Variants in USP37 observed in about 807,000 individuals in gnomAD.
USP37 encodes the protein ubiquitin specific peptidase 37.
A neutral mutation model predicts 124.0 loss-of-function variants in USP37; 27 were observed. That is an observed-to-expected ratio of 0.22 (90% CI 0.16 to 0.30). USP37 has a LOEUF of 0.30. USP37 is among the 10% of genes least tolerant of loss of function. The probability of loss-of-function intolerance (pLI) is 1.00; values close to 1 mark genes in which losing one functional copy is unlikely to be tolerated. For missense variants in USP37, 889 were observed against 1,140.4 expected (o/e 0.78, Z 3.17); for synonymous variants, 365 against 388.0 (o/e 0.94, Z 0.70).
intron 20 of USP37, chr2:218,473,206 C>T (rs901758612): frequency 4.6e-5 from 7 of 152,154 alleles, no homozygotes; most frequent in African/African-American, 1.7e-4. Flanking sequence ...CTGTAGCTGT[C>T]CCTTTGTTAA....
rs931790830 is a variant in USP37, at chr2:218,451,028, C to A, written c.*3902G>T. The A allele has an allele frequency of 6.6e-6, 1 of 152,126 alleles. No homozygotes were observed. Among genetic ancestry groups the A allele is most frequent in the South Asian group, 2.1e-4 (1 of 4,830 alleles). 9.4% of individuals were successfully genotyped at this position (152,126 alleles called of 1,614,324 possible). On this transcript the variant is annotated 3_prime_UTR_variant, in exon 26 of 26. Transcript: ENST00000258399. ...ACACAGCAAAATAATTGTCACAAAA[C>A]TTTCAAGGCCTAACAAATTAGAATT...
chr2:218,482,353 C>T, intron 16 of USP37, 119 bp from the exon 17 acceptor site: 2 of 1,089,078 alleles, frequency 1.8e-6, no homozygotes, highest in Non-Finnish European at 2.5e-6. Flanking sequence ...TTTGGCCAAA[C>T]CAAAGACACG....
intron 6 of USP37, among the ~76,000 whole-genome samples, chr2:218,547,295 A>C (rs1362094422): frequency 6.6e-6 from 1 of 152,166 alleles, no homozygotes; most frequent in East Asian, 1.9e-4. Context: ...TACCACTGCA[A>C]TCTAGCCTAG....
chr2:218,492,268 G>A (rs776942491), intron 14 of USP37, among the ~76,000 whole-genome samples: 9 of 152,078 alleles, frequency 5.9e-5, no homozygotes, highest in African/African-American at 1.4e-4. Context: ...TCAAAATAGA[G>A]GAAATGGTAA....
chr2:218,507,981 C>T (rs1452286730), intron 11 of USP37, among the ~76,000 whole-genome samples: 2 of 152,188 alleles, frequency 1.3e-5, no homozygotes, highest in Non-Finnish European at 2.9e-5. Flanking sequence ...TCTTCCACTC[C>T]TATAAATTAT....
intron 10 of USP37, among the ~76,000 whole-genome samples, chr2:218,510,670 C>T (rs1225031488): frequency 1.3e-5 from 2 of 152,200 alleles, no homozygotes; most frequent in African/African-American, 4.8e-5. Flanking sequence ...TCCATCGCCT[C>T]ATATGTTTAC....
At chr2:218,472,469 T>TC (rs1491474745) in intron 20 of USP37, among the ~76,000 whole-genome samples, 2 of 144,422 alleles carry the variant, frequency 1.4e-5, no homozygotes, top group East Asian at 2.0e-4. Flanking sequence ...TCTCTCTCTC[T>TC]TTTTTTTTTT....
intron 22 of USP37, 49 bp from the exon 23 acceptor site, chr2:218,459,954 G>A (rs1323972812): frequency 4.1e-6 from 6 of 1,458,892 alleles, no homozygotes; most frequent in Non-Finnish European, 5.7e-6. Flanking sequence ...GAATAGAATG[G>A]ACGTGGTGGC....
At chr2:218,462,656 A>G (rs1417779840) in intron 22 of USP37, among the ~76,000 whole-genome samples, 1 of 152,196 alleles carries the variant, frequency 6.6e-6, no homozygotes. Context: ...TGGCAAAATT[A>G]TAATTCTTTC....
In USP37 at chr2:218,468,550, C is replaced by T. The variant is rs911300698; in HGVS notation, c.2300-2374G>A. On this transcript the variant is annotated intron_variant, in intron 20 of 25. Transcript: ENST00000258399. ...CGATAATTTTCAATACAAATACAAGCGTTAACTATATCAAACATTACTAAA... is the reference window on the plus strand; with the variant it reads ...CGATAATTTTCAATACAAATACAAGTGTTAACTATATCAAACATTACTAAA... Among the ~76,000 whole-genome samples the T allele has an allele frequency of 6.6e-5, 10 of 152,084 alleles. No individual in the cohort carries two copies. The East Asian group carries it at 7.8e-4, about 12-fold the overall frequency.
intron 8 of USP37, 47 bp downstream of exon 8, chr2:218,546,174 A>G (rs1431276645): frequency 1.4e-6 from 2 of 1,465,262 alleles, no homozygotes; most frequent in Non-Finnish European, 1.9e-6. Context: ...AAATACCAAT[A>G]TAAGAAACAC....
At chr2:218,520,453 G>A (rs931959618) in intron 10 of USP37, among the ~76,000 whole-genome samples, 3 of 150,790 alleles carry the variant, frequency 2.0e-5, no homozygotes, top group African/African-American at 4.9e-5. Flanking sequence ...AGGTTCAAGC[G>A]ATTCTCGTGT....
chr2:218,532,190 G>A (rs939990558), intron 9 of USP37, among the ~76,000 whole-genome samples: 3 of 152,098 alleles, frequency 2.0e-5, no homozygotes, highest in Non-Finnish European at 2.9e-5. Context: ...TGCCTTGGCC[G>A]GGTGCAGTGG....
intron 6 of USP37, among the ~76,000 whole-genome samples, chr2:218,548,350 T>C (rs1426498037): frequency 1.3e-5 from 2 of 152,018 alleles, no homozygotes; most frequent in Non-Finnish European, 2.9e-5. Context: ...ATATTACATA[T>C]ATATATTTAA....
chr2:218,562,868 C>T (rs1693379376), intron 1 of USP37, 55 bp from the exon 2 acceptor site: 2 of 396,458 alleles, frequency 5.0e-6, no homozygotes, highest in Non-Finnish European at 8.9e-6. Flanking sequence ...AAAATTAATA[C>T]TTAAAAGAAA....
At chr2:218,522,048 T>C (rs1186351933) in intron 10 of USP37, among the ~76,000 whole-genome samples, 1 of 150,244 alleles carries the variant, frequency 6.7e-6, no homozygotes, top group African/African-American at 2.5e-5. Flanking sequence ...CTTTTTTTTT[T>C]TTTTTTTTGT....
intron 8 of USP37, 34 bp from the exon 9 acceptor site, chr2:218,534,740 G>C: frequency 1.5e-6 from 2 of 1,378,654 alleles, no homozygotes; most frequent in South Asian, 2.8e-5. Context: ...ATATAGTACA[G>C]GTGTATAAAA....
At chr2:218,527,559 ATC>A (rs1346295517) in intron 10 of USP37, among the ~76,000 whole-genome samples, 2 of 152,154 alleles carry the variant, frequency 1.3e-5, no homozygotes, top group African/African-American at 4.8e-5. Context: ...TTTTCACCTT[ATC>A]TCTCAGTGCA....
intron 8 of USP37, among the ~76,000 whole-genome samples, chr2:218,544,325 C>T (rs1692174509): frequency 7.1e-6 from 1 of 141,110 alleles, no homozygotes; most frequent in African/African-American, 2.7e-5. Context: ...GTGGAGGTTG[C>T]AGTGAGCTGA....
Sources: allele counts gnomAD v4.1 joint callset (sites outside exome capture counted in the v4.1 genomes callset), GRCh38; gene constraint gnomAD v4.1.1; transcripts MANE v1.5; gene names NCBI Gene and HGNC (gene_info 2026-07-23, HGNC 2026-07-21).